The following PDGFRA variants were observed in gnomAD, a reference collection of about 807,000 sequenced individuals.
PDGFRA encodes platelet derived growth factor receptor alpha, also known as platelet-derived growth factor receptor alpha.
Under a neutral mutation model 121.5 loss-of-function variants are expected in PDGFRA, and 25 were observed. The observed-to-expected ratio is 0.21, with a 90% confidence interval of 0.15 to 0.29. The LOEUF (loss-of-function observed/expected upper bound fraction) is 0.29, where lower values mean the gene tolerates loss of function less well. PDGFRA is among the 10% of genes least tolerant of loss of function. The pLI, the probability that PDGFRA is intolerant of heterozygous loss-of-function variation, is 1.00. For synonymous variants in PDGFRA, 463 were observed against 494.8 expected, an observed-to-expected ratio of 0.94 and a Z score of 0.85; for missense variants, 1,008 against 1,345.1, an observed-to-expected ratio of 0.75 and a Z score of 3.92.
At chr4:54,239,839 T>A (rs1244112416) in intron 1 of PDGFRA, among the ~76,000 whole-genome samples, 1 of 151,998 alleles carries the variant, frequency 6.6e-6, no homozygotes, top group African/African-American at 2.4e-5. Context: ...AAAAAAAATT[T>A]TAAATTATTT....
Position 54,263,623 on chromosome 4 carries a change from G to A in PDGFRA, c.368-44G>A, listed in dbSNP as rs777095624. On this transcript the variant is annotated intron_variant, in intron 3 of 22. Coordinates refer to ENST00000257290, the MANE Select transcript of PDGFRA (RefSeq NM_006206.6). ...TTTTTCTGGATTTATGTGTAAAGGT[G>A]AAATTAATGTCTAATAGAGTCTTCA... The A allele has an allele frequency of 9.4e-6, 15 of 1,594,824 alleles. No individual in the cohort carries two copies. In the Admixed American group the frequency reaches 2.3e-4, roughly 25 times the overall value.
intron 1 of PDGFRA, among the ~76,000 whole-genome samples, chr4:54,238,254 G>C (rs1263409748): frequency 6.6e-6 from 1 of 152,134 alleles, no homozygotes; most frequent in Admixed American, 6.5e-5. Context: ...CCTTACGGTA[G>C]AAATACATGA....
intron 19 of PDGFRA, 123 bp downstream of exon 19, chr4:54,287,664 G>T: frequency 1.4e-6 from 1 of 722,754 alleles, no homozygotes; most frequent in South Asian, 1.4e-5. Context: ...CCAGTATGCT[G>T]CAGCCACCTC....
At chr4:54,264,486 TG>T (rs1211488014) in intron 4 of PDGFRA, 3 of 272,366 alleles carry the variant, frequency 1.1e-5, no homozygotes, top group Admixed American at 5.1e-5. Context: ...TGCTAGGTTC[TG>T]GGAAAGTACT....
At chr4:54,258,881 G>A (rs1722526865) in intron 2 of PDGFRA, 64 bp downstream of exon 2, 1 of 1,332,672 alleles carries the variant, frequency 7.5e-7, no homozygotes, top group Non-Finnish European at 1.1e-6. Context: ...GCTTTGTGCT[G>A]CATGGGTTTA....
intron 8 of PDGFRA, among the ~76,000 whole-genome samples, chr4:54,271,969 C>T (rs1577721583): frequency 5.6e-4 from 1 of 1,788 alleles, no homozygotes; most frequent in African/African-American, 2.2e-3. Context: ...CCCTCCCCTC[C>T]CCCCTCCCCT....
At chr4:54,286,022 T>A (rs1016971786) in intron 18 of PDGFRA, 59 bp downstream of exon 18, 1 of 1,562,870 alleles carries the variant, frequency 6.4e-7, no homozygotes, top group Non-Finnish European at 8.8e-7. Context: ...ATCTCTAAAG[T>A]CAGGTGTTGC....
At chr4:54,284,598 G>A (rs1026648170) in intron 16 of PDGFRA, among the ~76,000 whole-genome samples, 8 of 141,326 alleles carry the variant, frequency 5.7e-5, no homozygotes, top group Non-Finnish European at 1.5e-5. Context: ...GAGAGAGAGA[G>A]GTGCCATACA....
intron 2 of PDGFRA, among the ~76,000 whole-genome samples, chr4:54,259,907 A>T (rs964327086): frequency 1.3e-5 from 2 of 152,188 alleles, no homozygotes; most frequent in Admixed American, 6.5e-5. Context: ...TTGTTTTCTA[A>T]GTTCTGTGCT....
chr4:54,280,066 T>A lies in PDGFRA; in HGVS notation c.2157-250T>A, dbSNP rs28595114. Among the ~76,000 whole-genome samples, 1,999 of 152,342 alleles carry A rather than the reference T, an allele frequency of 0.013. 48 individuals carry two copies. The highest frequency in any genetic ancestry group is 0.046 in the African/African-American group (1,903 of 41,566). On this transcript the variant is annotated intron_variant, in intron 15 of 22. Transcript: ENST00000257290. ...CATGTGTGTGCAAGTATCTTTTTAG[T>A]ATGACTTCCTTTCCTCTGGTAGATA...
At chr4:54,237,158 TG>T (rs1441242597) in intron 1 of PDGFRA, among the ~76,000 whole-genome samples, 1 of 152,116 alleles carries the variant, frequency 6.6e-6, no homozygotes, top group Non-Finnish European at 1.5e-5. Context: ...TTAGTAGAGA[TG>T]GGGTTTCATC....
intron 12 of PDGFRA, chr4:54,277,056 G>T: frequency 2.5e-6 from 1 of 392,658 alleles, no homozygotes; most frequent in Non-Finnish European, 4.8e-6. Context: ...CAGGAGGTGT[G>T]GGTGAGAGCC....
At chr4:54,262,498 G>T (rs890130622) in intron 3 of PDGFRA, among the ~76,000 whole-genome samples, 11 of 152,182 alleles carry the variant, frequency 7.2e-5, no homozygotes, top group Non-Finnish European at 1.6e-4. Context: ...AACTGTTTAT[G>T]ATTCTTGCCA....
In PDGFRA at chr4:54,267,446, C is replaced by T. The variant is rs139685174; in HGVS notation, c.917C>T (p.Thr306Ile). ...GAGGTCAAAGAAATGAAGAAAGTCA[C>T]TATTTCTGTCCATGGTACATTCCGC... ...TREVKEMKKVTISVHEKGFIE... is the reference protein window; with the variant it reads ...TREVKEMKKVIISVHEKGFIE... The change falls in exon 6 of 23, where the codon ACT becomes ATT. Residue 306 changes from threonine to isoleucine, a missense_variant. By Grantham distance (89) the Thr-to-Ile change is moderately conservative (BLOSUM62 -1). This residue lies in a region of PDGFRA where 575 missense variants were observed against 701.8 expected (regional missense o/e 0.82). Transcript: ENST00000257290. 6.2e-7 allele frequency: 1 copy of T among 1,614,130 alleles called. No homozygotes were observed.
Position 54,272,513 on chromosome 4 carries a change from A to G in PDGFRA, c.1357A>G (p.Ile453Val), listed in dbSNP as rs587778603. The stretch of plus-strand genomic sequence containing the variant: ...TATTGAGTGGATGATATGCAAAGAT[A>G]TTAAGAAGTATGGAAAACAGATGTG... ...PDIEWMICKD[I>V]KKCNNETSWT... is the part of the protein sequence containing the mutation. Residue 453 changes from isoleucine (I) to valine (V), a missense_variant, in exon 9 of 23, where the codon ATT becomes GTT. Physicochemically the swap from Ile to Val is conservative, Grantham distance 29 (BLOSUM62 3). Transcript: ENST00000257290. 14 of 1,613,972 alleles carry G rather than the reference A, an allele frequency of 8.7e-6. No homozygotes were observed. Among genetic ancestry groups the G allele is most frequent in the Non-Finnish European group, 1.1e-5 (13 of 1,179,994 alleles).
rs1723856668 is a variant in PDGFRA at position 54,278,247 on chromosome 4, A to C, written c.2003-115A>C. ...TTAAAAAAAAAAAAAAAAAAAAAAA[A>C]AAAAAACTTTTTTGGTATCTTATTT... is the stretch of plus-strand genomic sequence containing the variant. On this transcript the variant is annotated intron_variant, in intron 14 of 22. Coordinates refer to ENST00000257290, the MANE Select transcript of PDGFRA (RefSeq NM_006206.6). 1.6e-5 allele frequency: 9 copies of C among 556,228 alleles called. 1 individual carries two copies. Among genetic ancestry groups the C allele is most frequent in the Non-Finnish European group, 2.4e-5 (8 of 332,930 alleles). The allele number at this position is 556,228 out of a possible 1,614,324, so 34.5% of individuals were successfully genotyped here.
At chr4:54,284,353 A>G (rs1724206926) in intron 16 of PDGFRA, among the ~76,000 whole-genome samples, 1 of 151,996 alleles carries the variant, frequency 6.6e-6, no homozygotes, top group African/African-American at 2.4e-5. Context: ...CTTGATACCA[A>G]TTTTCTCTAT....
chr4:54,272,265 A>G (rs976484954), intron 8 of PDGFRA, 129 bp from the exon 9 acceptor site: 2 of 905,596 alleles, frequency 2.2e-6, no homozygotes, highest in African/African-American at 3.2e-5. Context: ...TACTTGTACA[A>G]CTGGTTTCAG....
chr4:54,239,251 C>T (rs1363074353), intron 1 of PDGFRA, among the ~76,000 whole-genome samples: 1 of 152,248 alleles, frequency 6.6e-6, no homozygotes, highest in Non-Finnish European at 1.5e-5. Context: ...TCAGGGAAAA[C>T]TCATGAATCT....
Sources: allele counts gnomAD v4.1 joint callset (sites outside exome capture counted in the v4.1 genomes callset), GRCh38; gene constraint gnomAD v4.1.1; regional missense constraint gnomAD v4.1.1; transcripts MANE v1.5; gene names NCBI Gene and HGNC (gene_info 2026-07-23, HGNC 2026-07-21).